The following RBM47 variants were observed in gnomAD, a reference collection of about 807,000 sequenced individuals.
RBM47 encodes RNA-binding protein 47.
RBM47 carries 21 observed loss-of-function variants against 47.1 expected under a neutral mutation model. The observed-to-expected ratio is 0.45, with a 90% confidence interval of 0.32 to 0.64. The LOEUF (loss-of-function observed/expected upper bound fraction) is 0.64. RBM47 is among the 30% of genes least tolerant of loss of function. RBM47 has a pLI of 0.05. For synonymous variants in RBM47, 375 were observed against 361.7 expected (o/e 1.04, Z -0.42); for missense variants, 708 against 870.9 (o/e 0.81, Z 2.35).
intron 1 of RBM47, among the ~76,000 whole-genome samples, chr4:40,544,780 A>G (rs901123714): frequency 6.6e-6 from 1 of 152,186 alleles, no homozygotes; most frequent in African/African-American, 2.4e-5. Context: ...AAATCTTACT[A>G]TGACAAAGAG....
chr4:40,589,950 C>A (rs1733974388), intron 1 of RBM47, among the ~76,000 whole-genome samples: 1 of 151,990 alleles, frequency 6.6e-6, no homozygotes, highest in African/African-American at 2.4e-5. Context: ...CTGAGCCCAA[C>A]AATCTTTCAC....
At chr4:40,561,762 C>A (rs993384674) in intron 1 of RBM47, among the ~76,000 whole-genome samples, 12 of 152,006 alleles carry the variant, frequency 7.9e-5, no homozygotes, top group Non-Finnish European at 1.5e-4. Context: ...GTTGCGCAAG[C>A]TGGTCTCGAA....
intron 2 of RBM47, among the ~76,000 whole-genome samples, chr4:40,528,678 T>C (rs1189191851): frequency 6.6e-6 from 1 of 151,952 alleles, no homozygotes; most frequent in Non-Finnish European, 1.5e-5. Context: ...GGCAGGAGAA[T>C]TGCTTGAACC....
At chr4:40,630,788 C>CAAGA (rs1293251749), upstream of RBM47, 1 of 151,978 alleles carries the variant, frequency 6.6e-6, no homozygotes, top group African/African-American at 2.4e-5. Flanking sequence ...CCTGTTTATA[C>CAAGA]AAGAGTTAAG....
intron 1 of RBM47, among the ~76,000 whole-genome samples, chr4:40,623,149 G>A (rs1451989276): frequency 6.6e-6 from 1 of 152,144 alleles, no homozygotes; most frequent in Non-Finnish European, 1.5e-5. Flanking sequence ...TTCAGGCTGG[G>A]CTTGTCCGTA....
chr4:40,460,785 C>T (rs747641271), intron 3 of RBM47, among the ~76,000 whole-genome samples: 6 of 147,276 alleles, frequency 4.1e-5, no homozygotes, highest in Non-Finnish European at 6.0e-5. Flanking sequence ...CTACTCGGGA[C>T]GCTGAGGCAG....
intron 2 of RBM47, among the ~76,000 whole-genome samples, chr4:40,504,055 C>G (rs573633699): frequency 6.6e-6 from 1 of 152,138 alleles, no homozygotes; most frequent in East Asian, 1.9e-4. Context: ...GGTATACCCT[C>G]TCATTATGGG....
intron 1 of RBM47, among the ~76,000 whole-genome samples, chr4:40,619,609 C>A (rs1737068788): frequency 6.6e-6 from 1 of 152,112 alleles, no homozygotes; most frequent in East Asian, 1.9e-4. Flanking sequence ...CTCAACATGC[C>A]AAGCGTTCCC....
At chr4:40,610,610 CAAA>C (rs34149753) in intron 1 of RBM47, among the ~76,000 whole-genome samples, 5 of 52,802 alleles carry the variant, frequency 9.5e-5, no homozygotes, top group Admixed American at 4.6e-4. Context: ...GACTCCATCT[CAAA>C]AAAAAAAAAA....
At chr4:40,511,172 A>G (rs527570580) in intron 2 of RBM47, among the ~76,000 whole-genome samples, 2 of 152,326 alleles carry the variant, frequency 1.3e-5, no homozygotes, top group East Asian at 1.9e-4. Context: ...GCTCCTACGC[A>G]TGTGACTTTT....
chr4:40,543,524 T>C (rs941532753), intron 2 of RBM47: 2 of 152,186 alleles, frequency 1.3e-5, no homozygotes, highest in Admixed American at 6.6e-5. Context: ...CTGGGTGTGG[T>C]GGCTCATGCC....
chr4:40,520,849 C>G (rs1020391320), intron 2 of RBM47, among the ~76,000 whole-genome samples: 1 of 152,160 alleles, frequency 6.6e-6, no homozygotes, highest in African/African-American at 2.4e-5. Context: ...CTACACTGTC[C>G]GGTGCTGCCT....
intron 2 of RBM47, among the ~76,000 whole-genome samples, chr4:40,532,268 C>T (rs1727466284): frequency 1.3e-5 from 2 of 149,870 alleles, no homozygotes; most frequent in Admixed American, 1.3e-4. Flanking sequence ...CCTCAGCCTC[C>T]CAAAATGCTG....
In RBM47 at chr4:40,436,516, G is replaced by C. The variant is rs1232987677; in HGVS notation, c.1255C>G (p.Gln419Glu). ...SRYHEGKGKQ[Q>E]EKGYELVPNL... ...GGCACCAGTTCATATCCTTTTTCTT[G>C]CTGCTTTCCTTTCCCTTCATGATAT... Residue 419 changes from glutamine (Q) to glutamate (E), a missense_variant, in exon 5 of 7, where the codon CAA (glutamine) becomes GAA (glutamate). Gln to Glu is a conservative substitution (Grantham distance 29). Coordinates refer to ENST00000295971, the MANE Select transcript of RBM47 (RefSeq NM_001098634.2). 6.2e-7 allele frequency: 1 copy of C among 1,614,010 alleles called. No individual in the cohort carries two copies. Among genetic ancestry groups the C allele is most frequent in the African/African-American group, 1.3e-5 (1 of 74,918 alleles).
At chr4:40,595,025 C>T (rs892037217) in intron 1 of RBM47, among the ~76,000 whole-genome samples, 1 of 152,190 alleles carries the variant, frequency 6.6e-6, no homozygotes, top group African/African-American at 2.4e-5. Context: ...TCCAAGGTCT[C>T]GTAGCTAACA....
intron 2 of RBM47, among the ~76,000 whole-genome samples, chr4:40,491,563 A>G (rs1983059): frequency 0.26 from 39,061 of 152,154 alleles, 5,122 homozygotes; most frequent in East Asian, 0.39. Flanking sequence ...AAAATGAGAG[A>G]AAATATTTGC....
At chr4:40,509,185 A>AAAT (rs1253624988) in intron 2 of RBM47, among the ~76,000 whole-genome samples, 4 of 151,242 alleles carry the variant, frequency 2.6e-5, no homozygotes, top group Non-Finnish European at 4.4e-5. Context: ...ATAAATAAAT[A>AAAT]AATAATAATA....
chr4:40,481,482 TATTA>T (rs1720405737), intron 2 of RBM47, among the ~76,000 whole-genome samples: 2 of 115,606 alleles, frequency 1.7e-5, no homozygotes, highest in African/African-American at 6.6e-5. Context: ...TTATTATTAT[TATTA>T]TTTTTATTTT....
At chr4:40,511,953 A>G (rs1211573958) in intron 2 of RBM47, among the ~76,000 whole-genome samples, 1 of 151,804 alleles carries the variant, frequency 6.6e-6, no homozygotes, top group African/African-American at 2.4e-5. Flanking sequence ...AAAAAAGAAA[A>G]GAAAAAAGAA....
Sources: allele counts gnomAD v4.1 joint callset (sites outside exome capture counted in the v4.1 genomes callset), GRCh38; gene constraint gnomAD v4.1.1; transcripts MANE v1.5; gene names NCBI Gene and HGNC (gene_info 2026-07-23, HGNC 2026-07-21).